KCNQ1: variants seen among roughly 807,000 people sequenced by gnomAD.
The protein encoded by KCNQ1 is potassium voltage-gated channel subfamily Q member 1, also known as potassium voltage-gated channel subfamily KQT member 1.
Under a neutral mutation model 72.4 loss-of-function variants are expected in KCNQ1, and 49 were observed. The observed-to-expected ratio is 0.68, with a 90% CI of 0.54 to 0.86. The LOEUF (loss-of-function observed/expected upper bound fraction) is 0.86, where lower values mean the gene tolerates loss of function less well. KCNQ1 is among the 40% of genes least tolerant of loss of function. The pLI, the probability that KCNQ1 is intolerant of heterozygous loss-of-function variation, is 0.00. For missense variants in KCNQ1, 790 were observed against 945.1 expected (o/e 0.84, Z 2.15); for synonymous variants, 450 against 412.6 (o/e 1.09, Z -1.10).
In KCNQ1 at chr11:2,559,638, G is replaced by A. The variant is rs1848129607; in HGVS notation, c.478-10990G>A. ...CCTTGCCTCTCTCGCTCACCAGGAA[G>A]AAGACACGTCCGGGCAGCTGGCAGG... On this transcript the variant is annotated intron_variant, in intron 2 of 15. Coordinates refer to ENST00000155840, the MANE Select transcript of KCNQ1 (RefSeq NM_000218.3). The surrounding 1 kb of genome is among the most constrained non-coding windows in gnomAD (Gnocchi z 4.9). Among the ~76,000 whole-genome samples the A allele has an allele frequency of 6.6e-6, 1 of 152,202 alleles. No homozygotes were observed. Among genetic ancestry groups the A allele is most frequent in the Admixed American group, 6.5e-5 (1 of 15,290 alleles).
chr11:2,666,065 A>G (rs1014915776), intron 11 of KCNQ1: 1 of 398,528 alleles, frequency 2.5e-6, no homozygotes, highest in African/African-American at 2.1e-5. Flanking sequence ...GGACAGGCCC[A>G]TAAGCCCTGC....
At chr11:2,665,539 C>T in intron 11 of KCNQ1, 1 of 394,152 alleles carries the variant, frequency 2.5e-6, no homozygotes, top group Non-Finnish European at 4.4e-6. Context: ...ATGCCCTTGT[C>T]ACCCATCTGC....
In KCNQ1 at chr11:2,825,205, G is replaced by A. The variant is rs1023400371; in HGVS notation, c.1795-22562G>A. 5.9e-5 allele frequency among the ~76,000 whole-genome samples: 9 copies of A among 152,270 alleles called. 1 individual carries two copies. The South Asian group carries it at 1.2e-3, about 21-fold the overall frequency. On this transcript the variant is annotated intron_variant, in intron 15 of 15. Coordinates refer to ENST00000155840, the MANE Select transcript of KCNQ1 (RefSeq NM_000218.3). ...ACTGGGGCTGGGGCCCGGCTTCCCC[G>A]ACCCTGCTGTCGGGCGTGTGCCTTC...
intron 15 of KCNQ1, among the ~76,000 whole-genome samples, chr11:2,814,158 GTGAA>G (rs1336966994): frequency 2.1e-5 from 3 of 143,432 alleles, no homozygotes; most frequent in Admixed American, 2.0e-4. Flanking sequence ...GGGTAGGTGG[GTGAA>G]TGGATGGATA....
At position 2,848,096 on chromosome 11, in the gene KCNQ1, G is replaced by T. The variant is rs1279774135; in HGVS notation, c.*93G>T. 1 of 1,060,074 alleles carries T rather than the reference G, an allele frequency of 9.4e-7. No individual in the cohort carries two copies. The highest frequency in any genetic ancestry group is 1.3e-5 in the South Asian group (1 of 74,616). The allele number at this position is 1,060,074 out of a possible 1,614,324, so 65.7% of individuals were successfully genotyped here. On this transcript the variant is annotated 3_prime_UTR_variant, in exon 16 of 16. Transcript: ENST00000155840. ...CTCTGAAGGAGGCCACCTCCTAAAA[G>T]GCCCAGAGAGAAGAGCCCCACTCTC... is the stretch of plus-strand genomic sequence containing the variant.
intron 15 of KCNQ1, chr11:2,839,661 G>C (rs1037730305): frequency 1.3e-5 from 2 of 152,294 alleles, no homozygotes; most frequent in Admixed American, 6.5e-5. Flanking sequence ...AAGGCAGCAG[G>C]GGCTGGGATC....
chr11:2,531,066 G>T (rs1259471489), intron 2 of KCNQ1, among the ~76,000 whole-genome samples: 1 of 152,154 alleles, frequency 6.6e-6, no homozygotes, highest in Admixed American at 6.5e-5. Flanking sequence ...GCACCACAGC[G>T]TCCAAGTTCA....
Position 2,663,712 on chromosome 11 carries a change from T to A in KCNQ1, c.1514+1631T>A. The A allele has an allele frequency of 2.5e-6, 1 of 398,714 alleles. No individual in the cohort carries two copies. Among genetic ancestry groups the A allele is most frequent in the Non-Finnish European group, 4.4e-6 (1 of 226,094 alleles). The allele number at this position is 398,714 out of a possible 1,614,324, so 24.7% of individuals were successfully genotyped here. A position where few individuals can be genotyped will look rare whatever the true frequency, so the allele number is the denominator to read the frequency against. ...GCCAGGCCTTACCAACTCTTGGGTC[T>A]TGCAAGGCCCCTGCAGGTGAAGGTG... On this transcript the variant is annotated intron_variant, in intron 11 of 15. Transcript: ENST00000155840. This position sits in a 1 kb window ranked among gnomAD's most constrained non-coding sequence, Gnocchi z 5.2.
Position 2,663,798 on chromosome 11 carries a change from ACTATGGGGGTGAG to A in KCNQ1, c.1514+1718_1514+1730del. On this transcript the variant is annotated intron_variant, in intron 11 of 15. Transcript: ENST00000155840. The surrounding 1 kb of genome is among the most constrained non-coding windows in gnomAD (Gnocchi z 5.2). ...ACTTGCAGCTGCCCAGTAAATCACCACTATGGGGGTGAGGGCTGCCAGTGCTGGTATCAGCACA... is the reference window on the plus strand; with the variant it reads ...ACTTGCAGCTGCCCAGTAAATCACCAGGCTGCCAGTGCTGGTATCAGCACA... 2.5e-6 allele frequency: 1 copy of A among 398,542 alleles called. No homozygotes were observed. Among genetic ancestry groups the A allele is most frequent in the Admixed American group, 4.4e-5 (1 of 22,730 alleles). 24.7% of individuals were successfully genotyped at this position (398,542 alleles called of 1,614,324 possible).
Position 2,724,369 on chromosome 11 carries a change from C to T in KCNQ1, c.1515-44475C>T, listed in dbSNP as rs1393846865. Among the ~76,000 whole-genome samples the T allele has an allele frequency of 6.6e-6, 1 of 152,164 alleles. No homozygotes were observed. The highest frequency in any genetic ancestry group is 6.5e-5 in the Admixed American group (1 of 15,282). ...TCCTCCCGCCCGGATTGGGTTTCTG[C>T]ACAGTGGAATGGAGCTGGCAGCCAG... is the stretch of plus-strand genomic sequence containing the variant. On this transcript the variant is annotated intron_variant, in intron 11 of 15. Coordinates refer to ENST00000155840, the MANE Select transcript of KCNQ1 (RefSeq NM_000218.3). This position sits in a 1 kb window ranked among gnomAD's most constrained non-coding sequence, Gnocchi z 6.8.
In KCNQ1 at chr11:2,492,945, A is replaced by T. The variant is rs1016787631; in HGVS notation, c.387-34983A>T. 1.3e-5 allele frequency among the ~76,000 whole-genome samples: 2 copies of T among 152,132 alleles called. No homozygotes were observed. The highest frequency in any genetic ancestry group is 2.9e-5 in the Non-Finnish European group (2 of 68,016). ...TAGAATCACCACGCTGTCTTCCACAATGGTTGAACTAATTTACACTCCCAC... is the reference window on the plus strand; with the variant it reads ...TAGAATCACCACGCTGTCTTCCACATTGGTTGAACTAATTTACACTCCCAC... On this transcript the variant is annotated intron_variant, in intron 1 of 15. Transcript: ENST00000155840. The surrounding 1 kb of genome is among the most constrained non-coding windows in gnomAD (Gnocchi z 4.1).
intron 11 of KCNQ1, among the ~76,000 whole-genome samples, chr11:2,717,405 G>A (rs776299739): frequency 5.9e-5 from 9 of 152,212 alleles, no homozygotes; most frequent in African/African-American, 9.7e-5. Flanking sequence ...TCTACATACT[G>A]AGAAGGTAGA....
chr11:2,773,894 G>C (rs1846646828), intron 12 of KCNQ1, among the ~76,000 whole-genome samples: 1 of 151,490 alleles, frequency 6.6e-6, no homozygotes, highest in Non-Finnish European at 1.5e-5. Context: ...TTACAGAAGG[G>C]GAGGATTGAG....
Position 2,584,413 on chromosome 11 carries a change from CTGTGTTAGTGTG to C in KCNQ1, c.1033-786_1033-775del, listed in dbSNP as rs887055534. ...AGTGTGTGGGTTTGTGTTTGTGTTT[CTGTGTTAGTGTG>C]TGTGTTAGTGTGCGTTAGTTTGTGT... On this transcript the variant is annotated intron_variant, in intron 7 of 15. Transcript: ENST00000155840. Among the ~76,000 whole-genome samples, 9 of 143,262 alleles carry C rather than the reference CTGTGTTAGTGTG, an allele frequency of 6.3e-5. No homozygotes were observed. The East Asian group carries it at 8.4e-4, about 13-fold the overall frequency. The allele number at this position is 143,262 out of a possible 152,430, so 94.0% of individuals were successfully genotyped here.
chr11:2,602,529 C>G lies in KCNQ1; in HGVS notation c.1393+13675C>G, dbSNP rs1179834501. Among the ~76,000 whole-genome samples, 1 of 152,216 alleles carries G rather than the reference C, an allele frequency of 6.6e-6. No individual in the cohort carries two copies. The highest frequency in any genetic ancestry group is 1.5e-5 in the Non-Finnish European group (1 of 68,038). On this transcript the variant is annotated intron_variant, in intron 10 of 15. Coordinates refer to ENST00000155840, the MANE Select transcript of KCNQ1 (RefSeq NM_000218.3). The surrounding 1 kb of genome is among the most constrained non-coding windows in gnomAD (Gnocchi z 4.8). ...CAGAGTGACTGCACCATTTCACATT[C>G]CCCATTCCTGCCAGCAAGGTCTAAG...
rs1012104925 is a variant in KCNQ1 at position 2,667,026 on chromosome 11, C to G, written c.1514+4945C>G. The stretch of plus-strand genomic sequence containing the variant: ...TGAGTCATAGGATCCCCGTCAGAGC[C>G]CCACATAGCCCCAGCCAGGCTCAAA... On this transcript the variant is annotated intron_variant, in intron 11 of 15. Transcript: ENST00000155840. 6.8e-5 allele frequency: 27 copies of G among 398,688 alleles called. No individual in the cohort carries two copies. In the Admixed American group the frequency reaches 1.1e-3, roughly 16 times the overall value. The allele number at this position is 398,688 out of a possible 1,614,324, so 24.7% of individuals were successfully genotyped here.
Position 2,783,170 on chromosome 11 carries a change from T to A in KCNQ1, c.1794+5133T>A, listed in dbSNP as rs1213529023. On this transcript the variant is annotated intron_variant, in intron 15 of 15. Transcript: ENST00000155840. The surrounding 1 kb of genome is among the most constrained non-coding windows in gnomAD (Gnocchi z 5.2). ...CATTTTGATATATGGCATTTAATTT[T>A]AATCTTCATTCACTTTAGTATTTTT... Among the ~76,000 whole-genome samples the A allele has an allele frequency of 1.3e-5, 2 of 152,192 alleles. No individual in the cohort carries two copies. The highest frequency in any genetic ancestry group is 3.8e-4 in the East Asian group (2 of 5,202).
At chr11:2,644,005 C>T (rs1007324950) in intron 10 of KCNQ1, 33 of 398,322 alleles carry the variant, frequency 8.3e-5, no homozygotes, top group Admixed American at 4.4e-5. Flanking sequence ...TGTCTACAAC[C>T]TCTTTTATCG....
At position 2,579,198 on chromosome 11, in the gene KCNQ1, T is replaced by C. The variant is rs1329863529; in HGVS notation, c.922-4237T>C. On this transcript the variant is annotated intron_variant, in intron 6 of 15. Transcript: ENST00000155840. The surrounding 1 kb of genome is among the most constrained non-coding windows in gnomAD (Gnocchi z 6.0). ...TCTGTCCTCCCCTCGAGGCCAGCCTTGAGGAGGCTACTTCTGAAAGGAGGG... is the reference window on the plus strand; with the variant it reads ...TCTGTCCTCCCCTCGAGGCCAGCCTCGAGGAGGCTACTTCTGAAAGGAGGG... Among the ~76,000 whole-genome samples, 2 of 152,110 alleles carry C rather than the reference T, an allele frequency of 1.3e-5. No homozygotes were observed. The highest frequency in any genetic ancestry group is 2.9e-5 in the Non-Finnish European group (2 of 67,986).
Sources: gnomAD v4.1 joint callset for allele counts (sites outside exome capture counted in the v4.1 genomes callset) on GRCh38, gnomAD v4.1.1 for gene constraint, Gnocchi (gnomAD v3.1) non-coding constraint, MANE v1.5 for transcripts, NCBI Gene and HGNC (gene_info 2026-07-23, HGNC 2026-07-21) for gene names.